The following NEURL1B variants were observed in gnomAD, a reference collection of about 807,000 sequenced individuals.
The protein encoded by NEURL1B is E3 ubiquitin-protein ligase NEURL1B.
NEURL1B carries 13 observed loss-of-function variants against 37.4 expected under a neutral mutation model. That is an observed-to-expected ratio of 0.35 (90% CI 0.23 to 0.55). The LOEUF is 0.55. Ranked by LOEUF, NEURL1B falls within the 20% of genes least tolerant of loss-of-function variation. NEURL1B has a pLI of 0.89. For synonymous variants in NEURL1B, 432 were observed against 426.6 expected (o/e 1.01, Z -0.16); for missense variants, 790 against 879.2 (o/e 0.90, Z 1.28).
intron 1 of NEURL1B, among the ~76,000 whole-genome samples, chr5:172,653,457 G>GTTT (rs1218950230): frequency 2.0e-5 from 3 of 152,072 alleles, no homozygotes; most frequent in African/African-American, 7.2e-5. Context: ...AAGGTAAAAT[G>GTTT]TTTATAGACT....
At position 172,649,320 on chromosome 5, in the gene NEURL1B, C is replaced by T. The variant is rs115111659; in HGVS notation, c.31+7883C>T. On this transcript the variant is annotated intron_variant, in intron 1 of 4. Coordinates refer to ENST00000369800, the MANE Select transcript of NEURL1B (RefSeq NM_001142651.3). ...GGAATGCCTTCCAGCGCCCATCTGC[C>T]GAACTCCTGCAAAGCCCTTCACTTC... 9.3e-3 allele frequency among the ~76,000 whole-genome samples: 1,374 copies of T among 148,372 alleles called. 17 individuals are homozygous for T. The highest frequency in any genetic ancestry group is 0.033 in the African/African-American group (1,336 of 40,120).
chr5:172,663,245 A>C (rs1266224943), intron 1 of NEURL1B, among the ~76,000 whole-genome samples: 2 of 151,338 alleles, frequency 1.3e-5, no homozygotes, highest in African/African-American at 4.9e-5. Flanking sequence ...GGGATTGACC[A>C]GGTGCAGTGG....
intron 2 of NEURL1B, among the ~76,000 whole-genome samples, chr5:172,673,276 G>C (rs1758166071): frequency 6.6e-6 from 1 of 152,010 alleles, no homozygotes; most frequent in African/African-American, 2.4e-5. Flanking sequence ...CCAATACCTG[G>C]GAGAATTTGG....
Position 172,641,390 on chromosome 5 carries a change from C to CCG in NEURL1B, c.-13_-12dup. ...CGCCCAGAGCGCGCCGCCGCCAACG[C>CCG]CGCGCCCGACGCAGCGATGGGCAAC... On this transcript the variant is annotated 5_prime_UTR_variant, in exon 1 of 5. Transcript: ENST00000369800. The surrounding 1 kb of genome is among the most constrained non-coding windows in gnomAD (Gnocchi z 6.4). The CCG allele has an allele frequency of 7.2e-7, 1 of 1,386,006 alleles. No homozygotes were observed. 85.9% of individuals were successfully genotyped at this position (1,386,006 alleles called of 1,614,324 possible).
In NEURL1B at chr5:172,641,265, C is replaced by T; in HGVS notation, c.-142C>T. ...CCGCCGCCGCCTCCCTCCCGGCTCC[C>T]GCCCCAGCTGCCGCCCGCCGGCTCG... On this transcript the variant is annotated 5_prime_UTR_variant, in exon 1 of 5. Transcript: ENST00000369800. This position sits in a 1 kb window ranked among gnomAD's most constrained non-coding sequence, Gnocchi z 6.4. 3 of 702,062 alleles carry T rather than the reference C, an allele frequency of 4.3e-6. No individual in the cohort carries two copies. Among genetic ancestry groups the T allele is most frequent in the Non-Finnish European group, 5.8e-6 (3 of 519,942 alleles). 43.5% of individuals were successfully genotyped at this position (702,062 alleles called of 1,614,324 possible).
intron 2 of NEURL1B, among the ~76,000 whole-genome samples, chr5:172,677,761 C>T (rs62386688): frequency 0.1 from 15,352 of 152,148 alleles, 863 homozygotes; most frequent in Admixed American, 0.12. Context: ...CTACTTCCTC[C>T]GCCTCCACGG....
Position 172,686,190 on chromosome 5 carries a change from TG to T in NEURL1B, c.1318del (p.Ala440ArgfsTer20). The stretch of plus-strand genomic sequence containing the variant: ...CCTCAGGTACCCTGCAGTCCAGCCC[TG>T]CGACCACGACTCCATCAGGGTCCCT... Reference protein sequence around the residue: ...RLLGTLQSSPATTTPSGSLSG... With the variant: ...RLLGTLQSSPXTTTPSGSLSG... On this transcript the variant is annotated frameshift_variant, in exon 4 of 5. Transcript: ENST00000369800. LOFTEE classifies it high-confidence loss of function. This position sits in a 1 kb window ranked among gnomAD's most constrained non-coding sequence, Gnocchi z 7.9. 1.3e-6 allele frequency: 2 copies of T among 1,551,664 alleles called. No individual in the cohort carries two copies. Among genetic ancestry groups the T allele is most frequent in the Non-Finnish European group, 1.7e-6 (2 of 1,146,958 alleles).
At chr5:172,671,442 A>G (rs897252696) in intron 2 of NEURL1B, among the ~76,000 whole-genome samples, 9 of 152,196 alleles carry the variant, frequency 5.9e-5, no homozygotes, top group African/African-American at 2.2e-4. Flanking sequence ...GTAACCCCAG[A>G]GGTGATCCTT....
chr5:172,647,595 C>T lies in NEURL1B; in HGVS notation c.31+6158C>T, dbSNP rs566419218. ...CTGACTTGCTGCTGCCCCTTGTCCT[C>T]GTCCTGAGCACCTGAGCCCCACCCT... On this transcript the variant is annotated intron_variant, in intron 1 of 4. Coordinates refer to ENST00000369800, the MANE Select transcript of NEURL1B (RefSeq NM_001142651.3). The surrounding 1 kb of genome is among the most constrained non-coding windows in gnomAD (Gnocchi z 4.2). 2.6e-5 allele frequency among the ~76,000 whole-genome samples: 4 copies of T among 152,210 alleles called. No homozygotes were observed. The highest frequency in any genetic ancestry group is 2.6e-4 in the Admixed American group (4 of 15,292).
chr5:172,683,826 C>G lies in NEURL1B; in HGVS notation c.985C>G (p.Arg329Gly). ...CGAGAGCCTCTTCGTGGAGGTGGGCCGTCCGGGGCTGGCGGCGCCCGGCGC... is the reference window on the plus strand; with the variant it reads ...CGAGAGCCTCTTCGTGGAGGTGGGCGGTCCGGGGCTGGCGGCGCCCGGCGC... ...PGESLFVEVGRPGLAAPGALA... is the reference protein window; with the variant it reads ...PGESLFVEVGGPGLAAPGALA... The change falls in exon 3 of 5, where the codon CGT becomes GGT. Residue 329 changes from arginine to glycine, a missense_variant. By Grantham distance (125) the Arg-to-Gly change is moderately radical. Transcript: ENST00000369800. The surrounding 1 kb of genome is among the most constrained non-coding windows in gnomAD (Gnocchi z 5.6). The G allele has an allele frequency of 7.6e-7, 1 of 1,318,550 alleles. No individual in the cohort carries two copies. Among genetic ancestry groups the G allele is most frequent in the East Asian group, 3.4e-5 (1 of 29,042 alleles). 81.7% of individuals were successfully genotyped at this position (1,318,550 alleles called of 1,614,324 possible). A position where few individuals can be genotyped will look rare whatever the true frequency, so the allele number is the denominator to read the frequency against.
rs71577593 is a variant in NEURL1B, at chr5:172,687,266, G to GGGAA, written c.*344_*345insAGGA. The GGGAA allele has an allele frequency of 6.1e-6, 1 of 164,560 alleles. No individual in the cohort carries two copies. The allele number at this position is 164,560 out of a possible 1,614,324, so 10.2% of individuals were successfully genotyped here. ...TGGGTTGAGTGTGAGAGAAGGGGAG[G>GGGAA]GGAGGGAGGGAGAACAGAGAGAATG... On this transcript the variant is annotated 3_prime_UTR_variant, in exon 5 of 5. Transcript: ENST00000369800.
In NEURL1B at chr5:172,683,541, G is replaced by T. The variant is rs1393462216; in HGVS notation, c.700G>T (p.Val234Leu). Residue 234 changes from valine to leucine, a missense_variant, in exon 3 of 5, where the codon GTG becomes TTG. Val to Leu is a conservative substitution (Grantham distance 32). Coordinates refer to ENST00000369800, the MANE Select transcript of NEURL1B (RefSeq NM_001142651.3). This position sits in a 1 kb window ranked among gnomAD's most constrained non-coding sequence, Gnocchi z 5.6. ...CAACAACGAGCTCGAGAACAACCAGGTGGTGGCCAAGCTGGGCCACCTGGC... is the reference window on the plus strand; with the variant it reads ...CAACAACGAGCTCGAGAACAACCAGTTGGTGGCCAAGCTGGGCCACCTGGC... ...FDNNELENNQ[V>L]VAKLGHLALG... 7 of 1,488,034 alleles carry T rather than the reference G, an allele frequency of 4.7e-6. No homozygotes were observed. The highest frequency in any genetic ancestry group is 2.8e-5 in the East Asian group (1 of 35,842). The allele number at this position is 1,488,034 out of a possible 1,614,324, so 92.2% of individuals were successfully genotyped here.
rs112785994 is a variant in NEURL1B at position 172,657,792 on chromosome 5, C to T, written c.32-11993C>T. ...TTATCCAGGCCTGCCCGCAGTCATC[C>T]GGAGGCCTAAACCCCTCCCTGTGGT... On this transcript the variant is annotated intron_variant, in intron 1 of 4. Transcript: ENST00000369800. The surrounding 1 kb of genome is among the most constrained non-coding windows in gnomAD (Gnocchi z 4.0). Among the ~76,000 whole-genome samples, 821 of 152,288 alleles carry T rather than the reference C, an allele frequency of 5.4e-3. 5 individuals are homozygous for T. Among genetic ancestry groups the T allele is most frequent in the African/African-American group, 0.019 (770 of 41,560 alleles).
At chr5:172,645,322 G>A (rs902550174) in intron 1 of NEURL1B, among the ~76,000 whole-genome samples, 9 of 152,122 alleles carry the variant, frequency 5.9e-5, no homozygotes, top group East Asian at 1.9e-4. Flanking sequence ...AGAAGCACTC[G>A]CTTACCCCAG....
chr5:172,686,691 C>CAGCTCCCCGCTG lies in NEURL1B; in HGVS notation c.1438_1449dup (p.Ser480_Ser483dup). The CAGCTCCCCGCTG allele has an allele frequency of 6.5e-7, 1 of 1,549,714 alleles. No individual in the cohort carries two copies. Among genetic ancestry groups the CAGCTCCCCGCTG allele is most frequent in the Non-Finnish European group, 8.7e-7 (1 of 1,145,716 alleles). On this transcript the variant is annotated inframe_insertion, in exon 5 of 5. Transcript: ENST00000369800. This position sits in a 1 kb window ranked among gnomAD's most constrained non-coding sequence, Gnocchi z 7.9. ...TCTCCCTTTCGGCAGTGACGGCCCC[C>CAGCTCCCCGCTG]AGCTCCCCGCTGAGCCCCCCGGTGT...
chr5:172,652,526 C>A (rs917969335), intron 1 of NEURL1B, among the ~76,000 whole-genome samples: 1 of 152,186 alleles, frequency 6.6e-6, no homozygotes. Flanking sequence ...TTACAGAAAC[C>A]GGTTGGGGCA....
At position 172,665,341 on chromosome 5, in the gene NEURL1B, G is replaced by A. The variant is rs11750421; in HGVS notation, c.32-4444G>A. Among the ~76,000 whole-genome samples, 36,480 of 152,076 alleles carry A rather than the reference G, an allele frequency of 0.24. 6,218 individuals are homozygous for A. The highest frequency in any genetic ancestry group is 0.49 in the African/African-American group (20,252 of 41,456). Reference sequence around the variant, plus strand: ...CTGCTGTCCCTGAGCTATCTCTGCCGATGGTCTGCACCCGGGTGCTGTTTC... The same window carrying A: ...CTGCTGTCCCTGAGCTATCTCTGCCAATGGTCTGCACCCGGGTGCTGTTTC... On this transcript the variant is annotated intron_variant, in intron 1 of 4. Transcript: ENST00000369800. The surrounding 1 kb of genome is among the most constrained non-coding windows in gnomAD (Gnocchi z 4.1).
Position 172,641,328 on chromosome 5 carries a change from T to A in NEURL1B, c.-79T>A. On this transcript the variant is annotated 5_prime_UTR_variant, in exon 1 of 5. Coordinates refer to ENST00000369800, the MANE Select transcript of NEURL1B (RefSeq NM_001142651.3). The surrounding 1 kb of genome is among the most constrained non-coding windows in gnomAD (Gnocchi z 6.4). ...CGATGCCCCGGAGCGTCGACCCCGG[T>A]CCTGGTCCCTGGCCCGCCGCGTAAT... The A allele has an allele frequency of 7.7e-7, 1 of 1,297,498 alleles. No homozygotes were observed. The highest frequency in any genetic ancestry group is 9.9e-7 in the Non-Finnish European group (1 of 1,011,532). The allele number at this position is 1,297,498 out of a possible 1,614,324, so 80.4% of individuals were successfully genotyped here.
chr5:172,655,324 G>A (rs1003643290), intron 1 of NEURL1B, among the ~76,000 whole-genome samples: 22 of 152,144 alleles, frequency 1.4e-4, no homozygotes, highest in South Asian at 1.0e-3. Flanking sequence ...TGCCTTCCTC[G>A]TCCTGGGAGG....
Sources: allele counts gnomAD v4.1 joint callset (sites outside exome capture counted in the v4.1 genomes callset), GRCh38; gene constraint gnomAD v4.1.1; non-coding constraint Gnocchi (gnomAD v3.1); transcripts MANE v1.5; gene names NCBI Gene and HGNC (gene_info 2026-07-23, HGNC 2026-07-21).